Variants in PCYT1B observed in about 807,000 individuals in gnomAD.
The protein encoded by PCYT1B is choline-phosphate cytidylyltransferase B.
In PCYT1B, 10 loss-of-function variants were observed where a neutral mutation model predicts 26.4. The ratio of observed to expected loss-of-function variants is 0.38; its 90% CI spans 0.23 to 0.64. The LOEUF (loss-of-function observed/expected upper bound fraction) is 0.64, where lower values mean the gene tolerates loss of function less well. PCYT1B is among the 30% of genes least tolerant of loss of function. The probability of loss-of-function intolerance (pLI) is 0.56; values close to 1 mark genes in which losing one functional copy is unlikely to be tolerated. For missense variants in PCYT1B, 161 were observed against 292.7 expected (o/e 0.55, Z 3.28); for synonymous variants, 131 against 108.4 (o/e 1.21, Z -1.29).
intron 1 of PCYT1B, among the ~76,000 whole-genome samples, chrX:24,666,740 C>A (rs1260144565): frequency 9.0e-6 from 1 of 110,968 alleles, no homozygotes. Flanking sequence ...ATATATTTCA[C>A]TTCTTGAGGC....
chrX:24,600,009 G>A (rs1428903363), intron 3 of PCYT1B, among the ~76,000 whole-genome samples: 3 of 110,891 alleles, frequency 2.7e-5, no homozygotes, highest in Non-Finnish European at 3.8e-5. Context: ...CTGGGTTCAA[G>A]CGATTCTCCC....
chrX:24,581,921 A>G (rs1045594675), intron 5 of PCYT1B, among the ~76,000 whole-genome samples: 14 of 112,679 alleles, frequency 1.2e-4, no homozygotes, highest in Non-Finnish European at 2.4e-4. Flanking sequence ...GAGACAAAAC[A>G]TCCAGTTTCT....
intron 5 of PCYT1B, among the ~76,000 whole-genome samples, chrX:24,579,745 C>T (rs1973878048): frequency 9.0e-6 from 1 of 111,576 alleles, no homozygotes; most frequent in Non-Finnish European, 1.9e-5. Context: ...CCTGGATACC[C>T]CCTCCCTGCT....
At chrX:24,668,348 G>A (rs1207174784) in intron 1 of PCYT1B, among the ~76,000 whole-genome samples, 3 of 112,006 alleles carry the variant, frequency 2.7e-5, no homozygotes, top group Non-Finnish European at 5.6e-5. Flanking sequence ...CAGACAGGAA[G>A]CCCTTATCTC....
intron 1 of PCYT1B, among the ~76,000 whole-genome samples, chrX:24,660,342 A>T (rs1310753092): frequency 1.8e-5 from 2 of 112,144 alleles, no homozygotes; most frequent in Non-Finnish European, 3.8e-5. Context: ...ATCATTTTAA[A>T]CACCTAGTCT....
intron 3 of PCYT1B, among the ~76,000 whole-genome samples, chrX:24,599,974 C>T (rs1018159891): frequency 9.0e-6 from 1 of 110,991 alleles, no homozygotes; most frequent in African/African-American, 3.3e-5. Context: ...GTGGCGCAAT[C>T]TCAGCTCATG....
chrX:24,605,863 G>A (rs1196847008), intron 3 of PCYT1B, among the ~76,000 whole-genome samples: 2 of 109,886 alleles, frequency 1.8e-5, no homozygotes, highest in African/African-American at 6.6e-5. Context: ...AGACCAGCCT[G>A]ACCAACATGG....
intron 3 of PCYT1B, among the ~76,000 whole-genome samples, chrX:24,606,980 A>T (rs776993378): frequency 8.9e-6 from 1 of 112,252 alleles, no homozygotes; most frequent in East Asian, 2.8e-4. Flanking sequence ...GAGGTGTAAG[A>T]CTTGATGGTG....
intron 1 of PCYT1B, among the ~76,000 whole-genome samples, chrX:24,644,674 A>G (rs1926567684): frequency 9.0e-6 from 1 of 111,481 alleles, no homozygotes; most frequent in Non-Finnish European, 1.9e-5. Flanking sequence ...CCTTATTTCT[A>G]CAATGGGTGG....
chrX:24,638,811 T>G (rs1330829855), intron 1 of PCYT1B, among the ~76,000 whole-genome samples: 1 of 111,889 alleles, frequency 8.9e-6, no homozygotes, highest in Non-Finnish European at 1.9e-5. Context: ...CATACTGCCA[T>G]GCCTCAAAGA....
chrX:24,615,297 A>T (rs1484104422), intron 2 of PCYT1B, among the ~76,000 whole-genome samples: 1 of 110,837 alleles, frequency 9.0e-6, no homozygotes, highest in African/African-American at 3.3e-5. Context: ...CCCTCTAATG[A>T]CCTGTATTAT....
intron 7 of PCYT1B, among the ~76,000 whole-genome samples, chrX:24,569,168 G>A (rs1257563209): frequency 9.0e-6 from 1 of 110,614 alleles, no homozygotes; most frequent in African/African-American, 3.3e-5. Flanking sequence ...AGTCTCAGGT[G>A]GGAAATCTAA....
rs1461252760 is a variant in PCYT1B, at chrX:24,584,993, A to C, written c.565+2248T>G. On this transcript the variant is annotated intron_variant, in intron 5 of 7. Coordinates refer to ENST00000379144, the MANE Select transcript of PCYT1B (RefSeq NM_004845.5). Reference sequence around the variant, plus strand: ...TAAGAACCAGAGGCTGAGTAGACTCAGGGTACAGAATGTTTGACTATAAGC... The same window carrying C: ...TAAGAACCAGAGGCTGAGTAGACTCCGGGTACAGAATGTTTGACTATAAGC... Among the ~76,000 whole-genome samples, 5 of 112,152 alleles carry C rather than the reference A, an allele frequency of 4.5e-5. No individual in the cohort carries two copies. The Admixed American group carries it at 4.8e-4, about 11-fold the overall frequency.
At chrX:24,670,113 A>AAAGAAAGAAAGAAAGAAGGGAAGGAAGG (rs1602218930) in intron 1 of PCYT1B, among the ~76,000 whole-genome samples, 1 of 23,599 alleles carries the variant, frequency 4.2e-5, no homozygotes, top group Non-Finnish European at 7.7e-5. Context: ...AGAAAGAAAG[A>AAAGAAAGAAAGAAAGAAGGGAAGGAAGG]AAGGAAGGAA....
At chrX:24,645,929 G>T (rs1032760798) in intron 1 of PCYT1B, among the ~76,000 whole-genome samples, 3 of 111,738 alleles carry the variant, frequency 2.7e-5, no homozygotes, top group African/African-American at 9.8e-5. Flanking sequence ...TCATCTGCGA[G>T]CCCTAATTTT....
chrX:24,569,698 T>C (rs763157177), intron 7 of PCYT1B, among the ~76,000 whole-genome samples: 63 of 110,595 alleles, frequency 5.7e-4, no homozygotes, highest in African/African-American at 1.9e-3. Flanking sequence ...GTTCATAGAG[T>C]GGTCAAATTT....
At chrX:24,591,518 G>A (rs188306201) in intron 3 of PCYT1B, among the ~76,000 whole-genome samples, 178 of 111,053 alleles carry the variant, frequency 1.6e-3, no homozygotes, top group Non-Finnish European at 2.2e-3. Context: ...CCACCTCCCA[G>A]GTTCAAGTGA....
intron 3 of PCYT1B, among the ~76,000 whole-genome samples, chrX:24,592,436 C>T (rs1388245898): frequency 9.0e-6 from 1 of 111,384 alleles, no homozygotes; most frequent in Non-Finnish European, 1.9e-5. Context: ...CACACCCAAG[C>T]CATCAGGAAA....
Position 24,590,018 on chromosome X carries a change from A to G in PCYT1B, c.486+5T>C. ...ACTTAGAGAATGTGGGAGAATGAGA[A>G]GTACCTTGTGTTTTTCCAGAAACTC... On this transcript the variant is annotated splice_donor_5th_base_variant and intron_variant, in intron 4 of 7. Transcript: ENST00000379144. 8.4e-7 allele frequency: 1 copy of G among 1,196,600 alleles called. No individual in the cohort carries two copies. Among genetic ancestry groups the G allele is most frequent in the Non-Finnish European group, 1.1e-6 (1 of 885,238 alleles).
Sources: gnomAD v4.1 joint callset for allele counts (sites outside exome capture counted in the v4.1 genomes callset) on GRCh38, gnomAD v4.1.1 for gene constraint, MANE v1.5 for transcripts, NCBI Gene and HGNC (gene_info 2026-07-23, HGNC 2026-07-21) for gene names.